Variants in LMNA observed in about 807,000 individuals in gnomAD.
The protein encoded by LMNA is lamin.
In LMNA, 20 loss-of-function variants were observed where a neutral mutation model predicts 70.4. The observed-to-expected ratio is 0.28, with a 90% CI of 0.20 to 0.41. The LOEUF (loss-of-function observed/expected upper bound fraction) is 0.41. LMNA is among the 10% of genes least tolerant of loss of function. The pLI is 1.00. For missense variants in LMNA, 652 were observed against 917.2 expected (o/e 0.71, Z 3.73); for synonymous variants, 339 against 372.8 (o/e 0.91, Z 1.04).
At chr1:156,120,907 G>C (rs191874717) in intron 1 of LMNA, among the ~76,000 whole-genome samples, 2 of 151,938 alleles carry the variant, frequency 1.3e-5, no homozygotes, top group Admixed American at 6.6e-5. Flanking sequence ...TTGTCCACCC[G>C]GATTGAAAGG....
Position 156,115,332 on chromosome 1 carries a change from C to G in LMNA, c.356+58C>G. 2.7e-6 allele frequency: 4 copies of G among 1,469,776 alleles called. No individual in the cohort carries two copies. The South Asian group carries it at 4.8e-5, about 18-fold the overall frequency. The allele number at this position is 1,469,776 out of a possible 1,614,324, so 91.0% of individuals were successfully genotyped here. ...GGGAGTGGAGAGGGCGGCGGGCCGG[C>G]GCCCCTGGCCGGCCGCAGGAAGGGA... On this transcript the variant is annotated intron_variant, in intron 1 of 11. Transcript: ENST00000368300. The surrounding 1 kb of genome is among the most constrained non-coding windows in gnomAD (Gnocchi z 5.8).
Position 156,138,794 on chromosome 1 carries a change from C to G in LMNA, c.1968+37C>G. 1 of 1,612,750 alleles carries G rather than the reference C, an allele frequency of 6.2e-7. No individual in the cohort carries two copies. The highest frequency in any genetic ancestry group is 1.1e-5 in the South Asian group (1 of 91,062). ...CTGCTTTGTCTCCAAATCCTGCAGGCGGGTCCCTGGTCATCGAGGGGTAGG... is the reference window on the plus strand; with the variant it reads ...CTGCTTTGTCTCCAAATCCTGCAGGGGGGTCCCTGGTCATCGAGGGGTAGG... On this transcript the variant is annotated intron_variant, in intron 11 of 11. Transcript: ENST00000368300. The surrounding 1 kb of genome is among the most constrained non-coding windows in gnomAD (Gnocchi z 5.5).
upstream of LMNA, among the ~76,000 whole-genome samples, chr1:156,110,453 C>T (rs529211673): frequency 2.6e-5 from 4 of 152,344 alleles, no homozygotes; most frequent in East Asian, 5.8e-4. Flanking sequence ...AGTTATTGCA[C>T]ATCCCCATTT....
chr1:156,126,164 C>T, intron 1 of LMNA: 3 of 1,521,008 alleles, frequency 2.0e-6, no homozygotes, highest in Non-Finnish European at 2.6e-6. Context: ...GGCTGGGAGA[C>T]CCTCTGCTCT....
chr1:156,134,712 G>A lies in LMNA; in HGVS notation c.640-93G>A, dbSNP rs938055235. ...AGTGGGGCTGGTAGTGGCTCATGGA[G>A]TAGGGCTGGGCAGGGAGCCCCGCCC... On this transcript the variant is annotated intron_variant, in intron 3 of 11. Transcript: ENST00000368300. This position sits in a 1 kb window ranked among gnomAD's most constrained non-coding sequence, Gnocchi z 5.3. 1.6e-5 allele frequency: 25 copies of A among 1,574,090 alleles called. No homozygotes were observed. Among genetic ancestry groups the A allele is most frequent in the Non-Finnish European group, 1.9e-5 (22 of 1,145,596 alleles).
chr1:156,136,830 C>T lies in LMNA; in HGVS notation c.1381-91C>T. ...TAGATGGAAGGAGAGGCCTCAATTG[C>T]AGGCAGGCAGAGGGCTGGGCCTTTG... On this transcript the variant is annotated intron_variant, in intron 7 of 11. Coordinates refer to ENST00000368300, the MANE Select transcript of LMNA (RefSeq NM_170707.4). This position sits in a 1 kb window ranked among gnomAD's most constrained non-coding sequence, Gnocchi z 6.1. 9.6e-7 allele frequency: 1 copy of T among 1,045,618 alleles called. No homozygotes were observed. Among genetic ancestry groups the T allele is most frequent in the Non-Finnish European group, 1.4e-6 (1 of 689,756 alleles). 64.8% of individuals were successfully genotyped at this position (1,045,618 alleles called of 1,614,324 possible).
chr1:156,116,695 G>A (rs1316923393), intron 1 of LMNA, among the ~76,000 whole-genome samples: 2 of 152,134 alleles, frequency 1.3e-5, no homozygotes, highest in African/African-American at 4.8e-5. Flanking sequence ...CTCCCGAATA[G>A]CTGAGATTAC....
In LMNA at chr1:156,138,279, GTCTTCCTGAGCCTTC is replaced by G; in HGVS notation, c.1699-206_1699-192del. The G allele has an allele frequency of 1.7e-6, 1 of 605,478 alleles. No homozygotes were observed. Among genetic ancestry groups the G allele is most frequent in the South Asian group, 2.0e-5 (1 of 50,576 alleles). 37.5% of individuals were successfully genotyped at this position (605,478 alleles called of 1,614,324 possible). A position where few individuals can be genotyped will look rare whatever the true frequency, so the allele number is the denominator to read the frequency against. On this transcript the variant is annotated intron_variant, in intron 10 of 11. Coordinates refer to ENST00000368300, the MANE Select transcript of LMNA (RefSeq NM_170707.4). This position sits in a 1 kb window ranked among gnomAD's most constrained non-coding sequence, Gnocchi z 5.5. ...CACTGCTCTGGTTCTCTGTCCCCAA[GTCTTCCTGAGCCTTC>G]TCCCCTTTTATGTCTTCCCTCTCCT...
upstream of LMNA, among the ~76,000 whole-genome samples, chr1:156,110,258 G>C (rs145712772): frequency 3.3e-5 from 5 of 152,154 alleles, no homozygotes; most frequent in Non-Finnish European, 7.3e-5. Context: ...CTCCATAAGG[G>C]TAGGGATTTT....
chr1:156,122,983 C>G (rs1650303216), intron 1 of LMNA, among the ~76,000 whole-genome samples: 1 of 152,216 alleles, frequency 6.6e-6, no homozygotes, highest in African/African-American at 2.4e-5. Context: ...CCTGCTGAAG[C>G]CAGGAATAAT....
chr1:156,107,829 T>TG (rs1649407970), intron 3 of LMNA, among the ~76,000 whole-genome samples: 1 of 151,546 alleles, frequency 6.6e-6, no homozygotes, highest in Non-Finnish European at 1.5e-5. Flanking sequence ...TTTTTTGAGA[T>TG]GGAGTCTCAC....
chr1:156,090,171 T>G (rs969996840), intron 2 of LMNA, among the ~76,000 whole-genome samples: 3 of 152,212 alleles, frequency 2.0e-5, no homozygotes, highest in Non-Finnish European at 4.4e-5. Context: ...AGATGCAGTC[T>G]GGCACAGATG....
intron 3 of LMNA, among the ~76,000 whole-genome samples, chr1:156,107,411 C>T (rs572032426): frequency 6.6e-6 from 1 of 152,304 alleles, no homozygotes; most frequent in South Asian, 2.1e-4. Context: ...GGTTTTGACC[C>T]TGCCTGGCTG....
chr1:156,112,630 C>T (rs548332779), upstream of LMNA, among the ~76,000 whole-genome samples: 1 of 152,156 alleles, frequency 6.6e-6, no homozygotes, highest in African/African-American at 2.4e-5. Context: ...GTGGGTGCCA[C>T]GCCCTGGGGG....
chr1:156,090,188 C>G (rs1002791074), intron 2 of LMNA, among the ~76,000 whole-genome samples: 2 of 152,192 alleles, frequency 1.3e-5, no homozygotes, highest in African/African-American at 4.8e-5. Flanking sequence ...GATGAATTGA[C>G]AGCATACAGT....
chr1:156,135,234 G>T lies in LMNA; in HGVS notation c.858G>T (p.Gly286=). 1 of 1,613,848 alleles carries T rather than the reference G, an allele frequency of 6.2e-7. No individual in the cohort carries two copies. The highest frequency in any genetic ancestry group is 2.2e-5 in the East Asian group (1 of 44,890). The change falls in exon 5 of 12, where the codon GGG becomes GGT. Residue 286 remains glycine, a synonymous_variant. Coordinates refer to ENST00000368300, the MANE Select transcript of LMNA (RefSeq NM_170707.4). This position sits in a 1 kb window ranked among gnomAD's most constrained non-coding sequence, Gnocchi z 4.8. The part of the protein sequence containing the change: ...QSAERNSNLV[G]AAHEELQQSR... Reference sequence around the variant, plus strand: ...CTGAGAGGAACAGCAACCTGGTGGGGGCTGCCCACGAGGAGCTGCAGCAGT... The same window carrying T: ...CTGAGAGGAACAGCAACCTGGTGGGTGCTGCCCACGAGGAGCTGCAGCAGT...
Position 156,134,332 on chromosome 1 carries a change from C to A in LMNA, c.514-71C>A. The A allele has an allele frequency of 6.4e-7, 1 of 1,566,960 alleles. No homozygotes were observed. Among genetic ancestry groups the A allele is most frequent in the Non-Finnish European group, 8.7e-7 (1 of 1,147,182 alleles). On this transcript the variant is annotated intron_variant, in intron 2 of 11. Coordinates refer to ENST00000368300, the MANE Select transcript of LMNA (RefSeq NM_170707.4). The surrounding 1 kb of genome is among the most constrained non-coding windows in gnomAD (Gnocchi z 5.3). ...GTGAAGGGGTGCACAGGCAGCAGCC[C>A]ACCTCTCAGCTTCCTTCCAGTTCTT...
Position 156,136,605 on chromosome 1 carries a change from T to C in LMNA, c.1380+169T>C, listed in dbSNP as rs535122202. 6.3e-5 allele frequency: 48 copies of C among 759,188 alleles called. No homozygotes were observed. The Middle Eastern group carries it at 1.4e-3, about 23-fold the overall frequency. 47.0% of individuals were successfully genotyped at this position (759,188 alleles called of 1,614,324 possible). On this transcript the variant is annotated intron_variant, in intron 7 of 11. Coordinates refer to ENST00000368300, the MANE Select transcript of LMNA (RefSeq NM_170707.4). This position sits in a 1 kb window ranked among gnomAD's most constrained non-coding sequence, Gnocchi z 6.1. ...TTCCAGGCCTGGCTCCTGGACTCTT[T>C]GGCTGTGAGACCTTGAGCAGGTTAT...
chr1:156,126,997 C>T (rs1650645004), intron 1 of LMNA: 2 of 1,371,894 alleles, frequency 1.5e-6, no homozygotes, highest in Non-Finnish European at 2.0e-6. Flanking sequence ...AGGTTCCCAC[C>T]CTTCCCAGCT....
Sources: gnomAD v4.1 joint callset for allele counts (sites outside exome capture counted in the v4.1 genomes callset) on GRCh38, gnomAD v4.1.1 for gene constraint, Gnocchi (gnomAD v3.1) non-coding constraint, MANE v1.5 for transcripts, NCBI Gene and HGNC (gene_info 2026-07-23, HGNC 2026-07-21) for gene names.